Variants in GALNT18 observed in about 807,000 individuals in gnomAD.
GALNT18 encodes the protein polypeptide N-acetylgalactosaminyltransferase 18.
In GALNT18, 44 loss-of-function variants were observed where a neutral mutation model predicts 69.5. The observed-to-expected ratio is 0.63, with a 90% confidence interval of 0.50 to 0.81. The LOEUF (loss-of-function observed/expected upper bound fraction) is 0.81. Ranked by LOEUF, GALNT18 falls within the 40% of genes least tolerant of loss-of-function variation. The pLI is 0.00. For synonymous variants in GALNT18, 364 were observed against 318.2 expected (o/e 1.14, Z -1.53); for missense variants, 715 against 810.0 (o/e 0.88, Z 1.42).
chr11:11,437,927 A>G (rs1399930047), intron 2 of GALNT18, among the ~76,000 whole-genome samples: 5 of 152,156 alleles, frequency 3.3e-5, no homozygotes, highest in African/African-American at 9.7e-5. Context: ...GTGGCACTCC[A>G]GGCAACCACT....
intron 3 of GALNT18, among the ~76,000 whole-genome samples, chr11:11,406,423 C>G (rs1213839141): frequency 6.6e-6 from 1 of 152,218 alleles, no homozygotes; most frequent in African/African-American, 2.4e-5. Flanking sequence ...TTGAAATATT[C>G]TGTCTCCATA....
chr11:11,440,168 G>C (rs916480449), intron 2 of GALNT18, among the ~76,000 whole-genome samples: 3 of 152,216 alleles, frequency 2.0e-5, no homozygotes, highest in Non-Finnish European at 2.9e-5. Context: ...TTAGAGAAAG[G>C]CTCTGCTATG....
intron 1 of GALNT18, among the ~76,000 whole-genome samples, chr11:11,483,654 A>G (rs2133873310): frequency 6.6e-6 from 1 of 152,022 alleles, no homozygotes; most frequent in Non-Finnish European, 1.5e-5. Flanking sequence ...CCAACTTCAT[A>G]AGACCATTCT....
chr11:11,360,182 C>T (rs1850614062), intron 6 of GALNT18, among the ~76,000 whole-genome samples: 1 of 152,224 alleles, frequency 6.6e-6, no homozygotes, highest in Admixed American at 6.5e-5. Context: ...ACGTCCCAGA[C>T]CTTGACAGGT....
At chr11:11,288,405 C>A (rs759971739) in intron 10 of GALNT18, among the ~76,000 whole-genome samples, 4 of 152,170 alleles carry the variant, frequency 2.6e-5, no homozygotes, top group Non-Finnish European at 5.9e-5. Context: ...ATCAAACAAG[C>A]CTCCTATGTG....
chr11:11,498,302 C>G (rs1008943191), intron 1 of GALNT18, among the ~76,000 whole-genome samples: 1 of 152,338 alleles, frequency 6.6e-6, no homozygotes, highest in East Asian at 1.9e-4. Context: ...AGTACAATAA[C>G]AAGCTCAGCA....
At chr11:11,471,266 T>C (rs1039682569) in intron 1 of GALNT18, among the ~76,000 whole-genome samples, 3 of 152,132 alleles carry the variant, frequency 2.0e-5, no homozygotes, top group African/African-American at 7.2e-5. Context: ...GGCGTCGGGC[T>C]CAGCACCTAA....
rs1462625413 is a variant in GALNT18, at chr11:11,542,445, A to G, written c.235+78914T>C. Among the ~76,000 whole-genome samples, 1 of 152,246 alleles carries G rather than the reference A, an allele frequency of 6.6e-6. No individual in the cohort carries two copies. Among genetic ancestry groups the G allele is most frequent in the Non-Finnish European group, 1.5e-5 (1 of 68,046 alleles). ...TGTACCACCCATTCCAGCAAAGGCC[A>G]CAGTGCTGGCACATGCAATTCTTCA... On this transcript the variant is annotated intron_variant, in intron 1 of 10. Transcript: ENST00000227756. The surrounding 1 kb of genome is among the most constrained non-coding windows in gnomAD (Gnocchi z 4.3).
intron 2 of GALNT18, among the ~76,000 whole-genome samples, chr11:11,447,523 C>G (rs987791118): frequency 6.6e-6 from 1 of 152,188 alleles, no homozygotes; most frequent in South Asian, 2.1e-4. Flanking sequence ...TTAGTCCATT[C>G]TCATGCTGCT....
At chr11:11,426,145 C>T (rs1017504093) in intron 3 of GALNT18, among the ~76,000 whole-genome samples, 8 of 152,132 alleles carry the variant, frequency 5.3e-5, no homozygotes, top group Admixed American at 4.6e-4. Context: ...GTAACGTGGT[C>T]GCAGGGAGGC....
chr11:11,289,029 A>T (rs1347557703), intron 10 of GALNT18, among the ~76,000 whole-genome samples: 1 of 152,156 alleles, frequency 6.6e-6, no homozygotes, highest in Non-Finnish European at 1.5e-5. Context: ...CTTGAGTACC[A>T]GAACGTTCTA....
rs553369275 is a variant in GALNT18, at chr11:11,602,735, T to C, written c.235+18624A>G. Among the ~76,000 whole-genome samples, 4 of 152,228 alleles carry C rather than the reference T, an allele frequency of 2.6e-5. No homozygotes were observed. In the South Asian group the frequency reaches 8.3e-4, roughly 32 times the overall value. ...GCTCCTCACACTGCCATTCCAGTTC[T>C]TCCCTAACCCCCTGTGATTTGCACT... On this transcript the variant is annotated intron_variant, in intron 1 of 10. Coordinates refer to ENST00000227756, the MANE Select transcript of GALNT18 (RefSeq NM_198516.3). The surrounding 1 kb of genome is among the most constrained non-coding windows in gnomAD (Gnocchi z 4.7).
rs374119863 is a variant in GALNT18, at chr11:11,591,051, T to C, written c.235+30308A>G. 2.6e-5 allele frequency among the ~76,000 whole-genome samples: 4 copies of C among 152,088 alleles called. No homozygotes were observed. In the East Asian group the frequency reaches 7.7e-4, roughly 29 times the overall value. On this transcript the variant is annotated intron_variant, in intron 1 of 10. Transcript: ENST00000227756. This position sits in a 1 kb window ranked among gnomAD's most constrained non-coding sequence, Gnocchi z 4.8. ...CCTGAGATATTCCAGAAGAAGGCAT[T>C]ATCATCATAGCAGATGACAGCTCTA...
chr11:11,394,801 C>T (rs1490021663), intron 3 of GALNT18, among the ~76,000 whole-genome samples: 2 of 152,210 alleles, frequency 1.3e-5, no homozygotes, highest in Admixed American at 1.3e-4. Flanking sequence ...TTCTTGATCC[C>T]TTCCTGACTA....
At position 11,413,628 on chromosome 11, in the gene GALNT18, T is replaced by A. The variant is rs911212173; in HGVS notation, c.595+18993A>T. 2.0e-5 allele frequency among the ~76,000 whole-genome samples: 3 copies of A among 152,186 alleles called. No homozygotes were observed. The highest frequency in any genetic ancestry group is 2.9e-5 in the Non-Finnish European group (2 of 68,030). On this transcript the variant is annotated intron_variant, in intron 3 of 10. Transcript: ENST00000227756. This position sits in a 1 kb window ranked among gnomAD's most constrained non-coding sequence, Gnocchi z 4.7. ...GCCACTCCTTCCCAGAAGCCTCCAC[T>A]CTGGGTCTGTGGCTGCACCCGGGGC...
intron 3 of GALNT18, among the ~76,000 whole-genome samples, chr11:11,428,273 G>A (rs1855180679): frequency 6.6e-6 from 1 of 152,236 alleles, no homozygotes; most frequent in Admixed American, 6.5e-5. Context: ...CTAGAGAGGG[G>A]CCACGTCCTC....
intron 9 of GALNT18, among the ~76,000 whole-genome samples, chr11:11,297,069 G>A (rs1849414717): frequency 6.6e-6 from 1 of 152,116 alleles, no homozygotes. Flanking sequence ...ATAAACCAGG[G>A]GCTATCTGGA....
rs530231820 is a variant in GALNT18, at chr11:11,575,263, G to T, written c.235+46096C>A. ...GCACCTTTGTCCCACTCCAGAGCCTGCCATCCCTGGTTCAGCCTCTGCTTT... is the reference window on the plus strand; with the variant it reads ...GCACCTTTGTCCCACTCCAGAGCCTTCCATCCCTGGTTCAGCCTCTGCTTT... On this transcript the variant is annotated intron_variant, in intron 1 of 10. Transcript: ENST00000227756. 3.9e-5 allele frequency among the ~76,000 whole-genome samples: 6 copies of T among 152,314 alleles called. No homozygotes were observed. In the East Asian group the frequency reaches 9.7e-4, roughly 25 times the overall value.
At position 11,616,195 on chromosome 11, in the gene GALNT18, C is replaced by A. The variant is rs1860044406; in HGVS notation, c.235+5164G>T. On this transcript the variant is annotated intron_variant, in intron 1 of 10. Transcript: ENST00000227756. The surrounding 1 kb of genome is among the most constrained non-coding windows in gnomAD (Gnocchi z 4.4). ...ACACAAATAGTCCCACAAGATAAAA[C>A]AAATACCAGGGGTGGGGGAGGATAT... Among the ~76,000 whole-genome samples, 1 of 152,066 alleles carries A rather than the reference C, an allele frequency of 6.6e-6. No individual in the cohort carries two copies. Among genetic ancestry groups the A allele is most frequent in the Non-Finnish European group, 1.5e-5 (1 of 68,002 alleles).
Sources: allele counts gnomAD v4.1 joint callset (sites outside exome capture counted in the v4.1 genomes callset), GRCh38; gene constraint gnomAD v4.1.1; non-coding constraint Gnocchi (gnomAD v3.1); transcripts MANE v1.5; gene names NCBI Gene and HGNC (gene_info 2026-07-23, HGNC 2026-07-21).